PRR16: variants seen among roughly 807,000 people sequenced by gnomAD.
PRR16 encodes the protein proline rich 16.
A neutral mutation model predicts 18.2 loss-of-function variants in PRR16; 6 were observed. The ratio of observed to expected loss-of-function variants is 0.33; its 90% confidence interval spans 0.18 to 0.65. The LOEUF (loss-of-function observed/expected upper bound fraction) is 0.65, where lower values mean the gene tolerates loss of function less well. PRR16 is among the 30% of genes least tolerant of loss of function. The pLI is 0.74. For missense variants in PRR16, 412 were observed against 376.6 expected (o/e 1.09, Z -0.78); for synonymous variants, 151 against 147.8 (o/e 1.02, Z -0.16).
intron 1 of PRR16, among the ~76,000 whole-genome samples, chr5:120,549,528 T>G (rs1752186337): frequency 6.6e-6 from 1 of 152,068 alleles, no homozygotes; most frequent in Admixed American, 6.6e-5. Flanking sequence ...GTAAGACCCT[T>G]CTTTATCTCT....
intron 1 of PRR16, among the ~76,000 whole-genome samples, chr5:120,660,059 T>C (rs1756124087): frequency 6.6e-6 from 1 of 151,960 alleles, no homozygotes; most frequent in Admixed American, 6.6e-5. Flanking sequence ...GAGTGTGGAG[T>C]GTAGGGCATA....
At chr5:120,511,498 G>A (rs1750823250) in intron 1 of PRR16, among the ~76,000 whole-genome samples, 1 of 152,106 alleles carries the variant, frequency 6.6e-6, no homozygotes, top group Non-Finnish European at 1.5e-5. Flanking sequence ...GACCTATTAT[G>A]TAGTGATTTT....
At chr5:120,754,434 G>GTA in the PRR16 span, among the ~76,000 whole-genome samples, 1 of 25,886 alleles carries the variant, frequency 3.9e-5, no homozygotes, top group Non-Finnish European at 6.7e-5. Context: ...ATAATATATA[G>GTA]TATATAGTAT....
intron 1 of PRR16, among the ~76,000 whole-genome samples, chr5:120,530,991 A>T (rs1230034303): frequency 6.6e-6 from 1 of 152,224 alleles, no homozygotes; most frequent in African/African-American, 2.4e-5. Context: ...AGAAATAGAT[A>T]TACAGTTGGT....
intron 1 of PRR16, among the ~76,000 whole-genome samples, chr5:120,597,938 C>T (rs1432583154): frequency 6.6e-6 from 1 of 151,660 alleles, no homozygotes; most frequent in African/African-American, 2.4e-5. Flanking sequence ...GGGTGAATGG[C>T]TGTTGCTATA....
At chr5:120,751,804 G>T in the PRR16 span, among the ~76,000 whole-genome samples, 2 of 151,980 alleles carry the variant, frequency 1.3e-5, no homozygotes, top group Admixed American at 6.6e-5. Flanking sequence ...GGGGGTGGGT[G>T]GAAGTACTTT....
intron 1 of PRR16, among the ~76,000 whole-genome samples, chr5:120,670,169 A>G (rs1437143964): frequency 6.6e-6 from 1 of 152,110 alleles, no homozygotes; most frequent in African/African-American, 2.4e-5. Flanking sequence ...ACATTTTTAG[A>G]AGTTAGAAAA....
chr5:120,621,596 G>T (rs893831915), intron 1 of PRR16, among the ~76,000 whole-genome samples: 1 of 152,078 alleles, frequency 6.6e-6, no homozygotes, highest in African/African-American at 2.4e-5. Context: ...TGTGTCAGGG[G>T]AGAGACCAGG....
intron 1 of PRR16, among the ~76,000 whole-genome samples, chr5:120,516,327 C>T (rs977884918): frequency 1.1e-4 from 16 of 148,702 alleles, no homozygotes; most frequent in East Asian, 6.0e-4. Context: ...CGGGAGGCTG[C>T]GGCACAAGAA....
At chr5:120,539,613 A>G (rs1580702401) in intron 1 of PRR16, among the ~76,000 whole-genome samples, 1 of 152,066 alleles carries the variant, frequency 6.6e-6, no homozygotes, top group Admixed American at 6.6e-5. Flanking sequence ...CCCCTGAGAC[A>G]TGCAATTTAC....
chr5:120,627,365 T>C (rs1362904606), intron 1 of PRR16, among the ~76,000 whole-genome samples: 1 of 152,118 alleles, frequency 6.6e-6, no homozygotes, highest in Non-Finnish European at 1.5e-5. Context: ...ATAGTAGATA[T>C]CATAGCTGGA....
At chr5:120,662,974 C>A (rs1015707952) in intron 1 of PRR16, among the ~76,000 whole-genome samples, 16 of 152,132 alleles carry the variant, frequency 1.1e-4, no homozygotes, top group African/African-American at 3.9e-4. Flanking sequence ...TGGGAAATGT[C>A]TTTCTGTGTT....
chr5:120,604,752 T>C (rs540182865), intron 1 of PRR16, among the ~76,000 whole-genome samples: 92 of 152,326 alleles, frequency 6.0e-4, no homozygotes, highest in African/African-American at 2.1e-3. Context: ...CCTTAGCATT[T>C]ACTTGTCTGA....
At chr5:120,477,606 T>C (rs1487030253) in intron 1 of PRR16, among the ~76,000 whole-genome samples, 1 of 152,208 alleles carries the variant, frequency 6.6e-6, no homozygotes, top group Non-Finnish European at 1.5e-5. Flanking sequence ...TAAACCTTTC[T>C]CAGCATTATC....
chr5:120,778,770 G>C, the PRR16 span, among the ~76,000 whole-genome samples: 1 of 152,144 alleles, frequency 6.6e-6, no homozygotes, highest in African/African-American at 2.4e-5. Context: ...CTGATTCATG[G>C]AAGGCATTTT....
chr5:120,644,790 T>A (rs1755536609), intron 1 of PRR16, among the ~76,000 whole-genome samples: 2 of 152,162 alleles, frequency 1.3e-5, no homozygotes, highest in South Asian at 4.1e-4. Context: ...ATTGAAGGTA[T>A]TTGATATGGT....
rs10478471 is a variant in PRR16 at position 120,502,358 on chromosome 5, T to C, written c.159+37713T>C. On this transcript the variant is annotated intron_variant, in intron 1 of 1. Transcript: ENST00000407149. ...CCCCAATAAATATTATTTCCATATATATTTTATATATTATATATATATGTT... is the reference window on the plus strand; with the variant it reads ...CCCCAATAAATATTATTTCCATATACATTTTATATATTATATATATATGTT... Among the ~76,000 whole-genome samples, 526 of 149,150 alleles carry C rather than the reference T, an allele frequency of 3.5e-3. 5 individuals carry two copies. Among genetic ancestry groups the C allele is most frequent in the African/African-American group, 0.012 (501 of 40,938 alleles).
In PRR16 at chr5:120,633,698, A is replaced by G. The variant is rs139328149; in HGVS notation, c.160-52256A>G. 8.6e-5 allele frequency among the ~76,000 whole-genome samples: 13 copies of G among 151,956 alleles called. No homozygotes were observed. In the East Asian group the frequency reaches 2.5e-3, roughly 30 times the overall value. On this transcript the variant is annotated intron_variant, in intron 1 of 1. Coordinates refer to ENST00000407149, the MANE Select transcript of PRR16 (RefSeq NM_001300783.2). ...CACAATTCAAAATATATATGCACCT[A>G]AAACTGGAGGTCCCAAATTTGTAAA...
chr5:120,655,299 C>A (rs1755928283), intron 1 of PRR16, among the ~76,000 whole-genome samples: 3 of 149,062 alleles, frequency 2.0e-5, no homozygotes, highest in African/African-American at 7.4e-5. Flanking sequence ...TTTACCTGTA[C>A]AAATTACTAA....
Sources: gnomAD v4.1 joint callset for allele counts (sites outside exome capture counted in the v4.1 genomes callset) on GRCh38, gnomAD v4.1.1 for gene constraint, MANE v1.5 for transcripts, NCBI Gene and HGNC (gene_info 2026-07-23, HGNC 2026-07-21) for gene names.